The following NKAPD1 variants were observed in gnomAD, a reference collection of about 807,000 sequenced individuals.
NKAPD1 encodes NKAP domain containing 1, also known as uncharacterized protein NKAPD1.
In NKAPD1, 12 loss-of-function variants were observed where a neutral mutation model predicts 30.9. The observed-to-expected ratio is 0.39, with a 90% CI of 0.25 to 0.63. The LOEUF is 0.63. Ranked by LOEUF, NKAPD1 falls within the 20% of genes least tolerant of loss-of-function variation. NKAPD1 has a pLI of 0.51. For missense variants in NKAPD1, 311 were observed against 344.5 expected (o/e 0.90, Z 0.77); for synonymous variants, 91 against 113.6 (o/e 0.80, Z 1.26).
At chr11:112,078,874 T>C (rs61526066) in intron 3 of NKAPD1, among the ~76,000 whole-genome samples, 3,974 of 152,252 alleles carry the variant, frequency 0.026, 182 homozygotes, top group African/African-American at 0.09. Flanking sequence ...CCCTGTCTAT[T>C]CACCCTCTTC....
chr11:112,080,245 G>C (rs1865418183), intron 3 of NKAPD1, among the ~76,000 whole-genome samples, 164 bp from the exon 4 acceptor site: 1 of 150,802 alleles, frequency 6.6e-6, no homozygotes, highest in Admixed American at 6.6e-5. Flanking sequence ...CAAATGTATA[G>C]AGAGGAGCAG....
intron 2 of NKAPD1, 147 bp downstream of exon 2, chr11:112,075,790 G>A: frequency 2.8e-6 from 2 of 727,242 alleles, no homozygotes; most frequent in Non-Finnish European, 4.5e-6. Flanking sequence ...ATAAAATGAT[G>A]AATAAAATAG....
chr11:112,082,103 A>C, intron 5 of NKAPD1, 68 bp downstream of exon 5: 1 of 1,327,342 alleles, frequency 7.5e-7, no homozygotes, highest in Non-Finnish European at 1.1e-6. Context: ...TTGATTTCTT[A>C]ACTTTTACGA....
At chr11:112,079,028 G>C (rs1331274401) in intron 3 of NKAPD1, among the ~76,000 whole-genome samples, 1 of 152,106 alleles carries the variant, frequency 6.6e-6, no homozygotes, top group East Asian at 1.9e-4. Flanking sequence ...AAGTGTAAGA[G>C]CTACATATAT....
intron 1 of NKAPD1, among the ~76,000 whole-genome samples, 197 bp from the exon 2 acceptor site, chr11:112,075,370 A>G (rs1195335088): frequency 6.6e-6 from 1 of 152,240 alleles, no homozygotes; most frequent in Non-Finnish European, 1.5e-5. Context: ...TTTAATGTAC[A>G]TTATCTCCTT....
Position 112,078,218 on chromosome 11 carries a change from C to G in NKAPD1, c.73C>G (p.Gln25Glu). Residue 25 changes from glutamine to glutamate, a missense_variant, in exon 3 of 6, where the codon CAG (glutamine) becomes GAG (glutamate). Physicochemically the swap from Gln to Glu is conservative, Grantham distance 29. Transcript: ENST00000393047. ...IRHTDAHNKI[Q>E]EESDMWKIRE... ...ATTTCCTTTTTAAAAATTCTAGATT[C>G]AGGAGGAATCAGATATGTGGAAAAT... is the stretch of plus-strand genomic sequence containing the variant. The G allele has an allele frequency of 6.3e-7, 1 of 1,597,804 alleles. No homozygotes were observed.
chr11:112,082,337 AG>A, intron 5 of NKAPD1, 127 bp from the exon 6 acceptor site: 2 of 821,794 alleles, frequency 2.4e-6, no homozygotes, highest in Non-Finnish European at 3.6e-6. Context: ...AAAGTGTTAA[AG>A]TATACATTAA....
At chr11:112,076,665 AAG>A (rs1341400869) in intron 2 of NKAPD1, among the ~76,000 whole-genome samples, 2 of 152,224 alleles carry the variant, frequency 1.3e-5, no homozygotes, top group Admixed American at 1.3e-4. Flanking sequence ...ACATTTCATT[AAG>A]AAAATCACAT....
At chr11:112,075,478 G>A (rs769431979) in intron 1 of NKAPD1, 89 bp from the exon 2 acceptor site, 1 of 947,570 alleles carries the variant, frequency 1.1e-6, no homozygotes, top group East Asian at 2.7e-5. Flanking sequence ...GATCTTTCCT[G>A]TACCTCATAT....
intron 4 of NKAPD1, 174 bp downstream of exon 4, chr11:112,080,732 A>G: frequency 1.6e-6 from 1 of 634,244 alleles, no homozygotes; most frequent in Non-Finnish European, 2.7e-6. Flanking sequence ...GAATGGGTAA[A>G]CAAAATGCGA....
At chr11:112,081,315 ACT>A (rs1229281947) in intron 4 of NKAPD1, 1 of 146,780 alleles carries the variant, frequency 6.8e-6, no homozygotes, top group African/African-American at 2.6e-5. Context: ...ACTGAGTGAG[ACT>A]CTGTCTCAAG....
intron 1 of NKAPD1, among the ~76,000 whole-genome samples, 164 bp downstream of exon 1, chr11:112,075,080 C>T (rs558912017): frequency 7.2e-5 from 11 of 152,342 alleles, no homozygotes; most frequent in East Asian, 3.9e-4. Flanking sequence ...TAATCAGTTT[C>T]TGTTACTGTT....
Position 112,082,457 on chromosome 11 carries a change from C to T in NKAPD1, c.375-8C>T. 2 of 1,499,816 alleles carry T rather than the reference C, an allele frequency of 1.3e-6. No individual in the cohort carries two copies. The highest frequency in any genetic ancestry group is 1.8e-6 in the Non-Finnish European group (2 of 1,126,488). The allele number at this position is 1,499,816 out of a possible 1,614,324, so 92.9% of individuals were successfully genotyped here. On this transcript the variant is annotated splice_region_variant and splice_polypyrimidine_tract_variant and intron_variant, in intron 5 of 5. Transcript: ENST00000393047. ...TAAAAGCTTCTATTTTTTAACTTTT[C>T]TTATTAGTAGTGATCAGCAAGATAT...
intron 2 of NKAPD1, among the ~76,000 whole-genome samples, chr11:112,075,891 T>G (rs1865320321): frequency 2.0e-5 from 3 of 152,188 alleles, no homozygotes; most frequent in Admixed American, 1.3e-4. Flanking sequence ...AAATCTACAC[T>G]GGGGAATTAG....
intron 2 of NKAPD1, 55 bp from the exon 3 acceptor site, chr11:112,078,160 G>T: frequency 7.3e-7 from 1 of 1,364,438 alleles, no homozygotes; most frequent in East Asian, 2.5e-5. Flanking sequence ...TTACTTTTCT[G>T]TAATGTAAAG....
intron 4 of NKAPD1, chr11:112,081,630 CAAAA>C (rs59827110): frequency 5.0e-5 from 8 of 159,700 alleles, no homozygotes; most frequent in South Asian, 1.2e-4. Flanking sequence ...GACTCCATCT[CAAAA>C]AAAAAAAAAA....
At chr11:112,080,696 A>G (rs1865430355) in intron 4 of NKAPD1, 138 bp downstream of exon 4, 1 of 887,026 alleles carries the variant, frequency 1.1e-6, no homozygotes, top group Non-Finnish European at 1.7e-6. Flanking sequence ...ATAATGGCCA[A>G]GTAATCCAAA....
At chr11:112,080,334 T>C (rs1378240986) in intron 3 of NKAPD1, 75 bp from the exon 4 acceptor site, 1 of 1,485,980 alleles carries the variant, frequency 6.7e-7, no homozygotes, top group Non-Finnish European at 9.2e-7. Context: ...TTCCATGAGT[T>C]TTGTGCATGA....
intron 2 of NKAPD1, among the ~76,000 whole-genome samples, chr11:112,076,400 G>C (rs1210923155): frequency 6.6e-6 from 1 of 152,050 alleles, no homozygotes; most frequent in Non-Finnish European, 1.5e-5. Flanking sequence ...CAAAGAAGTT[G>C]GTGGCTAATT....
Sources: gnomAD v4.1 joint callset for allele counts (sites outside exome capture counted in the v4.1 genomes callset) on GRCh38, gnomAD v4.1.1 for gene constraint, MANE v1.5 for transcripts, NCBI Gene and HGNC (gene_info 2026-07-23, HGNC 2026-07-21) for gene names.